The following SETDB1 variants were observed in gnomAD, a reference collection of about 807,000 sequenced individuals.
SETDB1 encodes histone-lysine N-methyltransferase SETDB1.
SETDB1 carries 31 observed loss-of-function variants against 137.4 expected under a neutral mutation model. The ratio of observed to expected loss-of-function variants is 0.23; its 90% CI spans 0.17 to 0.30. The LOEUF is 0.30. SETDB1 is among the 10% of genes least tolerant of loss of function. The pLI, the probability that SETDB1 is intolerant of heterozygous loss-of-function variation, is 1.00. For missense variants in SETDB1, 1,113 were observed against 1,631.5 expected (o/e 0.68, Z 5.47); for synonymous variants, 548 against 579.9 (o/e 0.95, Z 0.79).
At position 150,951,461 on chromosome 1, in the gene SETDB1, A is replaced by T. The variant is rs1670488600; in HGVS notation, c.2313A>T (p.Leu771=). 2 of 1,601,270 alleles carry T rather than the reference A, an allele frequency of 1.2e-6. No homozygotes were observed. Among genetic ancestry groups the T allele is most frequent in the East Asian group, 2.2e-5 (1 of 44,820 alleles). Residue 771 remains leucine (L), a synonymous_variant, in exon 14 of 22, where the codon CTA becomes CTT. Coordinates refer to ENST00000692827, the MANE Select transcript of SETDB1 (RefSeq NM_001366418.1). ...ACTCTGGCTACCAGTACAAGAGACTAGAAGAGTGTCTACCCACAGGGTAAG... is the reference window on the plus strand; with the variant it reads ...ACTCTGGCTACCAGTACAAGAGACTTGAAGAGTGTCTACCCACAGGGTAAG... ...NPNSGYQYKR[L]EECLPTGVYE...
chr1:150,939,623 C>A (rs1004691947), intron 3 of SETDB1, among the ~76,000 whole-genome samples: 1 of 152,042 alleles, frequency 6.6e-6, no homozygotes, highest in Non-Finnish European at 1.5e-5. Flanking sequence ...CTGCGCCTGG[C>A]CTAATTTTTT....
rs587757597 is a variant in SETDB1, at chr1:150,960,981, C to T, written c.2922C>T (p.Ser974=). ...TAGGTGGCTGCAATCCACCTTCCTC[C>T]GAAGAGACACCCAAGAACAAGGTGG... ...IPVGGCNPPS[S]EETPKNKVAS... Residue 974 remains serine, a synonymous_variant, in exon 16 of 22, where the codon TCC becomes TCT. Transcript: ENST00000692827. The T allele has an allele frequency of 3.0e-5, 48 of 1,613,860 alleles. No individual in the cohort carries two copies. The highest frequency in any genetic ancestry group is 2.0e-4 in the African/African-American group (15 of 74,900).
intron 3 of SETDB1, among the ~76,000 whole-genome samples, chr1:150,934,389 C>T (rs1337956709): frequency 6.6e-6 from 1 of 152,008 alleles, no homozygotes; most frequent in Non-Finnish European, 1.5e-5. Context: ...AGGAGAATGG[C>T]GTGAACCTGG....
At chr1:150,957,625 A>T (rs1409042350) in intron 14 of SETDB1, among the ~76,000 whole-genome samples, 1 of 152,214 alleles carries the variant, frequency 6.6e-6, no homozygotes, top group East Asian at 1.9e-4. Context: ...TCTTAGTATA[A>T]CTGTGTTATC....
chr1:150,952,547 G>A (rs587616733), intron 14 of SETDB1, among the ~76,000 whole-genome samples: 55 of 152,250 alleles, frequency 3.6e-4, no homozygotes, highest in African/African-American at 1.3e-3. Flanking sequence ...AGGAGTAGTA[G>A]GTTTGAGTGA....
chr1:150,932,713 T>G (rs983667049), intron 3 of SETDB1, among the ~76,000 whole-genome samples: 1 of 152,144 alleles, frequency 6.6e-6, no homozygotes, highest in Non-Finnish European at 1.5e-5. Context: ...TGGGTTTGAT[T>G]TGTTCTTCTT....
intron 14 of SETDB1, among the ~76,000 whole-genome samples, chr1:150,956,385 C>A (rs201540197): frequency 6.7e-3 from 771 of 115,788 alleles, no homozygotes; most frequent in Middle Eastern, 9.8e-3. Flanking sequence ...GACTCCGCCT[C>A]AAAAAAAAAA....
intron 14 of SETDB1, among the ~76,000 whole-genome samples, chr1:150,954,370 AC>A (rs748763110): frequency 1.3e-5 from 2 of 152,176 alleles, no homozygotes. Context: ...AGCATGGTAA[AC>A]TGGTATATAT....
Position 150,950,595 on chromosome 1 carries a change from A to G in SETDB1, c.1721A>G (p.Tyr574Cys). Residue 574 changes from tyrosine to cysteine, a missense_variant, in exon 13 of 22, where the codon TAC (tyrosine) becomes TGC (cysteine). This residue lies in a region of SETDB1 where 192 missense variants were observed against 198.1 expected (regional missense o/e 0.97). Transcript: ENST00000692827. ...CGTGCTCCCATGGAGAAGCTTTTCT[A>G]CTTACCTCATGTCTGCAGCTATACC... is the stretch of plus-strand genomic sequence containing the variant. ...SYRAPMEKLFYLPHVCSYTCL... is the reference protein window; with the variant it reads ...SYRAPMEKLFCLPHVCSYTCL... 1.9e-6 allele frequency: 3 copies of G among 1,614,106 alleles called. No homozygotes were observed. Among genetic ancestry groups the G allele is most frequent in the South Asian group, 1.1e-5 (1 of 91,076 alleles).
At position 150,950,548 on chromosome 1, in the gene SETDB1, G is replaced by A; in HGVS notation, c.1674G>A (p.Arg558=). Residue 558 remains arginine, a synonymous_variant, in exon 13 of 22, where the codon CGG becomes CGA. Transcript: ENST00000692827. The part of the protein sequence containing the change: ...APPVFHGMLE[R]APAEPSYRAP... ...CAGTCTTCCATGGCATGCTGGAGCG[G>A]GCCCCAGCAGAGCCCTCCTACCGTG... 1 of 1,614,018 alleles carries A rather than the reference G, an allele frequency of 6.2e-7. No individual in the cohort carries two copies. The highest frequency in any genetic ancestry group is 1.1e-5 in the South Asian group (1 of 91,078).
At chr1:150,959,041 T>G (rs1670739754) in intron 14 of SETDB1, 137 bp from the exon 15 acceptor site, 2 of 619,180 alleles carry the variant, frequency 3.2e-6, no homozygotes, top group African/African-American at 3.9e-5. Flanking sequence ...TCCACTCACT[T>G]AGATCATTAC....
At chr1:150,944,076 A>T in intron 8 of SETDB1, 83 bp downstream of exon 8, 1 of 984,042 alleles carries the variant, frequency 1.0e-6, no homozygotes, top group South Asian at 1.3e-5. Context: ...GAAAAGCCCT[A>T]GTGTTTTTGG....
chr1:150,962,844 ATTTTC>A, intron 18 of SETDB1, 125 bp downstream of exon 18: 1 of 1,448,230 alleles, frequency 6.9e-7, no homozygotes, highest in South Asian at 1.3e-5. Flanking sequence ...TTCCTGCCTT[ATTTTC>A]TTTCATCCAG....
intron 5 of SETDB1, 78 bp from the exon 6 acceptor site, chr1:150,942,485 C>T (rs1365615965): frequency 8.0e-7 from 1 of 1,255,518 alleles, no homozygotes; most frequent in African/African-American, 1.5e-5. Context: ...CCCTAATTAC[C>T]ATACTACCCT....
At chr1:150,926,714 G>A (rs1323826168) in intron 1 of SETDB1, 197 bp downstream of exon 1, 3 of 532,574 alleles carry the variant, frequency 5.6e-6, no homozygotes, top group South Asian at 2.8e-5. Context: ...GTGGGCAGAG[G>A]AAAATGGAGG....
intron 5 of SETDB1, 26 bp from the exon 6 acceptor site, chr1:150,942,537 T>A: frequency 6.3e-7 from 1 of 1,597,114 alleles, no homozygotes; most frequent in Non-Finnish European, 8.5e-7. Flanking sequence ...TCATAACTCT[T>A]GAGAATAACT....
At position 150,964,421 on chromosome 1, in the gene SETDB1, T is replaced by C; in HGVS notation, c.*57T>C. ...TGTCGTTTCCTCAGGAACTGGGTCT[T>C]CCTGATTGTTGAACCCTGACCCGAA... On this transcript the variant is annotated 3_prime_UTR_variant, in exon 22 of 22. Coordinates refer to ENST00000692827, the MANE Select transcript of SETDB1 (RefSeq NM_001366418.1). 1 of 1,299,996 alleles carries C rather than the reference T, an allele frequency of 7.7e-7. No individual in the cohort carries two copies. Among genetic ancestry groups the C allele is most frequent in the South Asian group, 1.2e-5 (1 of 81,938 alleles). 80.5% of individuals were successfully genotyped at this position (1,299,996 alleles called of 1,614,324 possible). A position where few individuals can be genotyped will look rare whatever the true frequency, so the allele number is the denominator to read the frequency against.
At chr1:150,945,413 G>A in intron 9 of SETDB1, 1 of 777,076 alleles carries the variant, frequency 1.3e-6, no homozygotes. Flanking sequence ...TTTTTCCAGG[G>A]TTAAGGTTTT....
At chr1:150,961,762 G>A (rs1031733925) in intron 16 of SETDB1, 6 of 236,512 alleles carry the variant, frequency 2.5e-5, no homozygotes, top group Non-Finnish European at 4.1e-5. Context: ...AATGTTAAAT[G>A]CTGTTTCAAG....
Sources: gnomAD v4.1 joint callset for allele counts (sites outside exome capture counted in the v4.1 genomes callset) on GRCh38, gnomAD v4.1.1 for gene constraint, gnomAD v4.1.1 regional missense constraint, MANE v1.5 for transcripts, NCBI Gene and HGNC (gene_info 2026-07-23, HGNC 2026-07-21) for gene names.